The following GLIS3 variants were observed in gnomAD, a reference collection of about 807,000 sequenced individuals.
GLIS3 encodes the protein zinc finger protein GLIS3.
In GLIS3, 53 loss-of-function variants were observed where a neutral mutation model predicts 78.6. That is an observed-to-expected ratio of 0.67 (90% CI 0.54 to 0.85). The LOEUF is 0.85. Among genes scored for constraint, GLIS3 ranks in the 40% least tolerant of loss-of-function variants. The pLI is 0.00. For missense variants in GLIS3, 1,703 were observed against 1,231.1 expected, an observed-to-expected ratio of 1.38 and a Z score of -5.74; for synonymous variants, 684 against 509.9, an observed-to-expected ratio of 1.34 and a Z score of -4.60.
intron 4 of GLIS3, among the ~76,000 whole-genome samples, chr9:4,040,145 T>G (rs2130356796): frequency 6.6e-6 from 1 of 152,256 alleles, no homozygotes; most frequent in African/African-American, 2.4e-5. Context: ...CATTAATACC[T>G]TTATTTATGG....
chr9:3,932,001 A>C (rs1360990897), intron 6 of GLIS3, among the ~76,000 whole-genome samples: 2 of 152,176 alleles, frequency 1.3e-5, no homozygotes, highest in African/African-American at 4.8e-5. Flanking sequence ...TGTTTTTCCC[A>C]ATTTAATTAT....
chr9:4,431,690 C>T, the GLIS3 span, among the ~76,000 whole-genome samples: 1 of 151,934 alleles, frequency 6.6e-6, no homozygotes, highest in East Asian at 1.9e-4. Context: ...ACTAAAAATA[C>T]AAAATTAGCC....
the GLIS3 span, among the ~76,000 whole-genome samples, chr9:4,443,750 G>A: frequency 6.6e-6 from 1 of 152,212 alleles, no homozygotes; most frequent in East Asian, 1.9e-4. Context: ...TCAAATGATT[G>A]CAAAGAAAGC....
At chr9:4,023,662 G>A (rs986379513) in intron 4 of GLIS3, among the ~76,000 whole-genome samples, 1 of 152,238 alleles carries the variant, frequency 6.6e-6, no homozygotes, top group African/African-American at 2.4e-5. Flanking sequence ...CAAGACAAAG[G>A]ATAAGGGGAA....
At chr9:4,241,797 C>G (rs1314784344) in intron 2 of GLIS3, among the ~76,000 whole-genome samples, 2 of 152,122 alleles carry the variant, frequency 1.3e-5, no homozygotes, top group African/African-American at 4.8e-5. Context: ...ATTCTCATTT[C>G]TCAGCCTCCC....
chr9:4,023,060 A>C (rs940920459), intron 4 of GLIS3, among the ~76,000 whole-genome samples: 4 of 152,228 alleles, frequency 2.6e-5, no homozygotes, highest in African/African-American at 9.6e-5. Context: ...AATGTAATTT[A>C]CTATACACAG....
At chr9:4,029,665 T>C (rs1196151019) in intron 4 of GLIS3, among the ~76,000 whole-genome samples, 1 of 151,964 alleles carries the variant, frequency 6.6e-6, no homozygotes, top group African/African-American at 2.4e-5. Context: ...GGCTCAATTG[T>C]ATTGATTTTT....
the GLIS3 span, among the ~76,000 whole-genome samples, chr9:4,449,476 C>A: frequency 6.6e-6 from 1 of 152,202 alleles, no homozygotes; most frequent in Admixed American, 6.5e-5. Context: ...GTGGTTCTAC[C>A]AGCATGGTGT....
At chr9:4,293,625 T>G (rs1470139355) in intron 1 of GLIS3, among the ~76,000 whole-genome samples, 1 of 152,204 alleles carries the variant, frequency 6.6e-6, no homozygotes, top group Non-Finnish European at 1.5e-5. Context: ...ATAACAAAAC[T>G]TCGTAACTAG....
At position 4,117,939 on chromosome 9, in the gene GLIS3, C is replaced by G. The variant is rs1325014314; in HGVS notation, c.1539G>C (p.Gln513His). ...CGATGTGCCGCACGAGCTCCTCCTGCTGGTCGTACAGGGCGCTGCAGTCGA... is the reference window on the plus strand; with the variant it reads ...CGATGTGCCGCACGAGCTCCTCCTGGTGGTCGTACAGGGCGCTGCAGTCGA... ...RWIDCSALYD[Q>H]QEELVRHIEK... Residue 513 changes from glutamine (Q) to histidine (H), a missense_variant, in exon 4 of 11, where the codon CAG becomes CAC. Coordinates refer to ENST00000381971, the MANE Select transcript of GLIS3 (RefSeq NM_001042413.2). 45 of 1,614,020 alleles carry G rather than the reference C, an allele frequency of 2.8e-5. No homozygotes were observed. Among genetic ancestry groups the G allele is most frequent in the Non-Finnish European group, 3.6e-5 (43 of 1,180,052 alleles).
chr9:4,063,364 A>T (rs1826817210), intron 4 of GLIS3, among the ~76,000 whole-genome samples: 1 of 152,202 alleles, frequency 6.6e-6, no homozygotes, highest in Non-Finnish European at 1.5e-5. Flanking sequence ...TTGGCCTGTC[A>T]GTTCAGGAAA....
chr9:3,976,628 A>C (rs1024746469), intron 4 of GLIS3, among the ~76,000 whole-genome samples: 2 of 151,630 alleles, frequency 1.3e-5, no homozygotes, highest in African/African-American at 4.8e-5. Context: ...AATTCAGAAC[A>C]TCTCAATCAG....
chr9:4,451,456 C>A, the GLIS3 span, among the ~76,000 whole-genome samples: 2 of 152,152 alleles, frequency 1.3e-5, no homozygotes, highest in Non-Finnish European at 2.9e-5. Flanking sequence ...AGAAGGTTAA[C>A]AAGGATATCC....
the GLIS3 span, among the ~76,000 whole-genome samples, chr9:4,484,355 AGCCTCC>A: frequency 2.8e-5 from 4 of 144,602 alleles, no homozygotes; most frequent in Non-Finnish European, 3.0e-5. Flanking sequence ...ATCCTGCCTC[AGCCTCC>A]CGAGTAGCTG....
At chr9:4,179,417 T>G (rs948385188) in intron 2 of GLIS3, among the ~76,000 whole-genome samples, 1 of 152,132 alleles carries the variant, frequency 6.6e-6, no homozygotes, top group Non-Finnish European at 1.5e-5. Flanking sequence ...AAGATTCCCT[T>G]ATGTAGGTAG....
the GLIS3 span, among the ~76,000 whole-genome samples, chr9:4,366,368 G>C: frequency 5.9e-5 from 9 of 152,170 alleles, no homozygotes; most frequent in African/African-American, 1.9e-4. Context: ...CCAAGGCAAC[G>C]AGTTAAAACG....
intron 6 of GLIS3, among the ~76,000 whole-genome samples, chr9:3,932,092 T>C (rs1825656490): frequency 1.3e-5 from 2 of 152,154 alleles, no homozygotes; most frequent in Admixed American, 6.5e-5. Flanking sequence ...TTTCTCTGAT[T>C]CCTATTATAC....
At chr9:4,229,578 C>T (rs750899985) in intron 2 of GLIS3, among the ~76,000 whole-genome samples, 3 of 152,152 alleles carry the variant, frequency 2.0e-5, no homozygotes, top group East Asian at 3.9e-4. Flanking sequence ...CCCTGAAGCA[C>T]GGATATTTTC....
At chr9:4,048,888 CCAT>C (rs1362306506) in intron 4 of GLIS3, among the ~76,000 whole-genome samples, 5 of 152,174 alleles carry the variant, frequency 3.3e-5, no homozygotes, top group African/African-American at 7.2e-5. Flanking sequence ...CTCCTAACAA[CCAT>C]CTCTGGAATG....
Sources: gnomAD v4.1 joint callset for allele counts (sites outside exome capture counted in the v4.1 genomes callset) on GRCh38, gnomAD v4.1.1 for gene constraint, MANE v1.5 for transcripts, NCBI Gene and HGNC (gene_info 2026-07-23, HGNC 2026-07-21) for gene names.